PTPRK: variants seen among roughly 807,000 people sequenced by gnomAD.
PTPRK encodes receptor-type tyrosine-protein phosphatase kappa.
A neutral mutation model predicts 178.0 loss-of-function variants in PTPRK; 75 were observed. The ratio of observed to expected loss-of-function variants is 0.42; its 90% confidence interval spans 0.35 to 0.51. The LOEUF is 0.51. PTPRK is among the 20% of genes least tolerant of loss of function. PTPRK has a pLI of 0.02. For missense variants in PTPRK, 1,441 were observed against 1,797.8 expected, an observed-to-expected ratio of 0.80 and a Z score of 3.59; for synonymous variants, 637 against 620.6, an observed-to-expected ratio of 1.03 and a Z score of -0.39.
intron 13 of PTPRK, among the ~76,000 whole-genome samples, chr6:128,029,748 C>T (rs1774989767): frequency 6.6e-6 from 1 of 151,432 alleles, no homozygotes; most frequent in Non-Finnish European, 1.5e-5. Context: ...CAAATGAAGG[C>T]CAAATTTCTT....
chr6:128,181,026 G>A (rs1362155933), intron 7 of PTPRK, among the ~76,000 whole-genome samples: 4 of 152,078 alleles, frequency 2.6e-5, no homozygotes, highest in South Asian at 2.1e-4. Context: ...ACTAAAAAGT[G>A]AGAAAATAAT....
chr6:128,398,074 A>G (rs1840559373), intron 1 of PTPRK, among the ~76,000 whole-genome samples: 1 of 152,310 alleles, frequency 6.6e-6, no homozygotes, highest in Admixed American at 6.5e-5. Context: ...CAAAGCGAGG[A>G]AAGAATGAAG....
intron 2 of PTPRK, among the ~76,000 whole-genome samples, chr6:128,387,023 G>A (rs1425511713): frequency 1.3e-5 from 2 of 152,076 alleles, no homozygotes; most frequent in Non-Finnish European, 2.9e-5. Context: ...AGCCGAGATC[G>A]CACCACTGCA....
At chr6:128,037,317 C>T (rs1776392537) in intron 13 of PTPRK, among the ~76,000 whole-genome samples, 1 of 152,226 alleles carries the variant, frequency 6.6e-6, no homozygotes, top group Non-Finnish European at 1.5e-5. Flanking sequence ...GATTCCTCCA[C>T]TTCCTGCAGA....
At chr6:128,249,116 G>A (rs1480218612) in intron 3 of PTPRK, among the ~76,000 whole-genome samples, 1 of 151,960 alleles carries the variant, frequency 6.6e-6, no homozygotes, top group African/African-American at 2.4e-5. Flanking sequence ...TAAGTAATAG[G>A]CTAGTGAAAA....
intron 3 of PTPRK, among the ~76,000 whole-genome samples, chr6:128,257,875 C>T (rs1048496974): frequency 2.0e-5 from 3 of 151,936 alleles, no homozygotes; most frequent in African/African-American, 7.2e-5. Flanking sequence ...CTCTATACTG[C>T]GTGTCACCAA....
At chr6:128,309,439 T>C (rs1204617686) in intron 3 of PTPRK, among the ~76,000 whole-genome samples, 1 of 151,480 alleles carries the variant, frequency 6.6e-6, no homozygotes. Flanking sequence ...ATCTAGAGAG[T>C]AGGAAATCAT....
intron 3 of PTPRK, among the ~76,000 whole-genome samples, chr6:128,283,618 A>G (rs186199258): frequency 3.5e-4 from 54 of 152,348 alleles, no homozygotes; most frequent in African/African-American, 1.1e-3. Context: ...TCATTTTCAG[A>G]TACAAGTATA....
intron 3 of PTPRK, among the ~76,000 whole-genome samples, chr6:128,275,229 G>A (rs1291063186): frequency 6.6e-6 from 1 of 151,906 alleles, no homozygotes; most frequent in Non-Finnish European, 1.5e-5. Flanking sequence ...GAGAGAATGA[G>A]GATTTGAACT....
chr6:128,489,403 C>T (rs917040943), intron 1 of PTPRK, among the ~76,000 whole-genome samples: 3 of 152,110 alleles, frequency 2.0e-5, no homozygotes, highest in Admixed American at 6.6e-5. Context: ...TGGTAAGAGT[C>T]CTGCACACAG....
rs1178963583 is a variant in PTPRK, at chr6:128,520,493, T to G, written c.-135A>C. On this transcript the variant is annotated 5_prime_UTR_variant, in exon 1 of 30. Coordinates refer to ENST00000368226, the MANE Select transcript of PTPRK (RefSeq NM_002844.4). ...AGGACAGCCGCCCGCCCGCCCTTTT[T>G]CCTTCTTCGCGGTCGCCAAACTACC... is the stretch of plus-strand genomic sequence containing the variant. 4 of 798,420 alleles carry G rather than the reference T, an allele frequency of 5.0e-6. No individual in the cohort carries two copies. Among genetic ancestry groups the G allele is most frequent in the Non-Finnish European group, 8.0e-6 (4 of 498,402 alleles). 49.5% of individuals were successfully genotyped at this position (798,420 alleles called of 1,614,324 possible).
intron 13 of PTPRK, among the ~76,000 whole-genome samples, chr6:128,050,627 G>A (rs1322717693): frequency 6.6e-6 from 1 of 152,104 alleles, no homozygotes; most frequent in Non-Finnish European, 1.5e-5. Flanking sequence ...GTCAAGCCAA[G>A]GTCTTTATTC....
intron 13 of PTPRK, among the ~76,000 whole-genome samples, chr6:128,040,958 A>G (rs547497647): frequency 1.3e-5 from 2 of 152,238 alleles, no homozygotes; most frequent in South Asian, 2.1e-4. Context: ...CAAATCTAGA[A>G]CTATGCTGAT....
chr6:128,219,055 G>A lies in PTPRK; in HGVS notation c.735C>T (p.Asn245=). The part of the protein sequence containing the change: ...GEDIPVAQTK[N]INHRRFAASF... Reference sequence around the variant, plus strand: ...AAGCGGCAAACCTTCTATGATTGATGTTCTTAGTCTGGGCTACTGGTATAT... The same window carrying A: ...AAGCGGCAAACCTTCTATGATTGATATTCTTAGTCTGGGCTACTGGTATAT... Residue 245 remains asparagine (N), a synonymous_variant, in exon 6 of 30, where the codon AAC becomes AAT. Coordinates refer to ENST00000368226, the MANE Select transcript of PTPRK (RefSeq NM_002844.4). 1.9e-6 allele frequency: 3 copies of A among 1,613,908 alleles called. No individual in the cohort carries two copies. The highest frequency in any genetic ancestry group is 1.3e-5 in the African/African-American group (1 of 75,020).
intron 1 of PTPRK, among the ~76,000 whole-genome samples, chr6:128,471,531 G>A (rs1473091841): frequency 2.1e-5 from 3 of 144,454 alleles, no homozygotes; most frequent in Non-Finnish European, 4.5e-5. Flanking sequence ...GAAAAGAGAA[G>A]CCTTAAAGGA....
At chr6:128,192,831 G>A (rs1804058196) in intron 6 of PTPRK, among the ~76,000 whole-genome samples, 1 of 134,994 alleles carries the variant, frequency 7.4e-6, no homozygotes, top group Non-Finnish European at 1.6e-5. Flanking sequence ...AAAGGGAAGG[G>A]AAGGGAAGGG....
intron 22 of PTPRK, among the ~76,000 whole-genome samples, chr6:127,983,637 C>T (rs115582839): frequency 1.5e-3 from 228 of 152,272 alleles, no homozygotes; most frequent in African/African-American, 5.2e-3. Context: ...AAGTTCCACA[C>T]CTCTCTCACA....
intron 12 of PTPRK, among the ~76,000 whole-genome samples, chr6:128,067,248 A>T (rs980098276): frequency 1.6e-4 from 24 of 152,002 alleles, no homozygotes; most frequent in Non-Finnish European, 2.9e-4. Flanking sequence ...TTTTCAAATC[A>T]TTTTACTCTC....
intron 3 of PTPRK, among the ~76,000 whole-genome samples, chr6:128,311,643 C>T (rs576982017): frequency 1.1e-4 from 16 of 152,062 alleles, no homozygotes; most frequent in African/African-American, 3.9e-4. Context: ...CCTTTACACA[C>T]CCACCATTTT....
Sources: gnomAD v4.1 joint callset for allele counts (sites outside exome capture counted in the v4.1 genomes callset) on GRCh38, gnomAD v4.1.1 for gene constraint, MANE v1.5 for transcripts, NCBI Gene and HGNC (gene_info 2026-07-23, HGNC 2026-07-21) for gene names.